The following CSTF1 variants were observed in gnomAD, a reference collection of about 807,000 sequenced individuals.
CSTF1 encodes the protein cleavage stimulation factor subunit 1.
A neutral mutation model predicts 40.9 loss-of-function variants in CSTF1; 2 were observed. The ratio of observed to expected loss-of-function variants is 0.05; its 90% CI spans 0.02 to 0.15. The LOEUF (loss-of-function observed/expected upper bound fraction) is 0.15. Ranked by LOEUF, CSTF1 falls within the 10% of genes least tolerant of loss-of-function variation. The probability of loss-of-function intolerance (pLI) is 1.00; values close to 1 mark genes in which losing one functional copy is unlikely to be tolerated. For synonymous variants in CSTF1, 218 were observed against 207.2 expected (o/e 1.05, Z -0.45); for missense variants, 279 against 558.9 (o/e 0.50, Z 5.05).
In CSTF1 at chr20:56,396,384, A is replaced by G. The variant is rs1244357043; in HGVS notation, c.169+663A>G. On this transcript the variant is annotated intron_variant, in intron 2 of 5. Coordinates refer to ENST00000217109, the MANE Select transcript of CSTF1 (RefSeq NM_001324.3). ...AATAAAATGGACAAACTGCAATGCCAACAACATGGAATTAGCTGTAAATTT... is the reference window on the plus strand; with the variant it reads ...AATAAAATGGACAAACTGCAATGCCGACAACATGGAATTAGCTGTAAATTT... Among the ~76,000 whole-genome samples the G allele has an allele frequency of 2.6e-5, 4 of 152,356 alleles. No individual in the cohort carries two copies. In the East Asian group the frequency reaches 7.7e-4, roughly 29 times the overall value.
chr20:56,398,988 A>T lies in CSTF1; in HGVS notation c.667A>T (p.Ile223Phe), dbSNP rs1222605619. Reference protein sequence around the residue: ...YIQEAEMLRSISFHPSGDFIL... With the variant: ...YIQEAEMLRSFSFHPSGDFIL... The stretch of plus-strand genomic sequence containing the variant: ...ACAGGAAGCTGAAATGTTACGTTCC[A>T]TCTCTTTTCATCCTTCTGGAGACTT... The change falls in exon 5 of 6, where the codon ATC (isoleucine) becomes TTC (phenylalanine). Residue 223 changes from isoleucine (I) to phenylalanine (F), a missense_variant. Physicochemically the swap from Ile to Phe is conservative, Grantham distance 21 (BLOSUM62 0). Transcript: ENST00000217109. 5 of 1,610,644 alleles carry T rather than the reference A, an allele frequency of 3.1e-6. No homozygotes were observed. The highest frequency in any genetic ancestry group is 4.2e-6 in the Non-Finnish European group (5 of 1,178,010).
At position 56,397,170 on chromosome 20, in the gene CSTF1, CTTG is replaced by C; in HGVS notation, c.170-34_170-32del. On this transcript the variant is annotated intron_variant, in intron 2 of 5. Coordinates refer to ENST00000217109, the MANE Select transcript of CSTF1 (RefSeq NM_001324.3). This position sits in a 1 kb window ranked among gnomAD's most constrained non-coding sequence, Gnocchi z 4.4. ...ATCTTGGCCTTTTTAAGAAAAAACA[CTTG>C]TTTTGTTACGCCCTTAATTTTGATT... The C allele has an allele frequency of 6.3e-7, 1 of 1,581,958 alleles. No homozygotes were observed. The highest frequency in any genetic ancestry group is 8.6e-7 in the Non-Finnish European group (1 of 1,163,260).
rs762112166 is a variant in CSTF1 at position 56,403,472 on chromosome 20, G to A, written c.1041G>A (p.Ala347=). ...CCCTCTTGCTCTCTGTGGCAGGCGC[G>A]GGTTTAAGTGGACGCCAGGTGCACC... The part of the protein sequence containing the change: ...TGRTLVRYTG[A]GLSGRQVHRT... Residue 347 remains alanine (A), a synonymous_variant, in exon 6 of 6, where the codon GCG becomes GCA. Transcript: ENST00000217109. The A allele has an allele frequency of 2.0e-5, 32 of 1,613,876 alleles. No individual in the cohort carries two copies. The highest frequency in any genetic ancestry group is 9.9e-5 in the South Asian group (9 of 91,088).
rs1226928244 is a variant in CSTF1, at chr20:56,399,091, C to T, written c.770C>T (p.Pro257Leu). The T allele has an allele frequency of 1.2e-6, 2 of 1,614,026 alleles. No homozygotes were observed. The highest frequency in any genetic ancestry group is 2.2e-5 in the East Asian group (1 of 44,872). Residue 257 changes from proline to leucine, a missense_variant, in exon 5 of 6, where the codon CCT (proline) becomes CTT (leucine). This residue lies in a region of CSTF1 where 162 missense variants were observed against 337.1 expected (regional missense o/e 0.48). Transcript: ENST00000217109. This position sits in a 1 kb window ranked among gnomAD's most constrained non-coding sequence, Gnocchi z 4.6. ...TTTCAATGTTTTGTCTCTTGCAATC[C>T]TCAAGATCAACACACCGATGCTATA... ...NTFQCFVSCN[P>L]QDQHTDAICS...
rs1987552661 is a variant in CSTF1 at position 56,397,569 on chromosome 20, T to C, written c.448-75T>C. On this transcript the variant is annotated intron_variant, in intron 3 of 5. Coordinates refer to ENST00000217109, the MANE Select transcript of CSTF1 (RefSeq NM_001324.3). The surrounding 1 kb of genome is among the most constrained non-coding windows in gnomAD (Gnocchi z 4.4). The stretch of plus-strand genomic sequence containing the variant: ...AGAGTATGGTTGAAACCAGCTTTAG[T>C]TTGCTACAGTTGTGGATTGTGCACT... 1.9e-6 allele frequency: 3 copies of C among 1,598,226 alleles called. No individual in the cohort carries two copies. The highest frequency in any genetic ancestry group is 2.6e-6 in the Non-Finnish European group (3 of 1,167,478).
chr20:56,396,993 A>G (rs1987535891), intron 2 of CSTF1: 2 of 539,382 alleles, frequency 3.7e-6, no homozygotes, highest in African/African-American at 1.9e-5. Flanking sequence ...TTGGAGCCTA[A>G]CCTTCCAGCA....
At chr20:56,400,290 T>C (rs1016768705) in intron 5 of CSTF1, among the ~76,000 whole-genome samples, 12 of 152,228 alleles carry the variant, frequency 7.9e-5, no homozygotes, top group Admixed American at 3.3e-4. Context: ...TGGCTTCTGG[T>C]ACCACTAGCA....
rs750199023 is a variant in CSTF1 at position 56,403,740 on chromosome 20, G to A, written c.*13G>A. ...GACCACTGACTGAGCCACCCTCTCC[G>A]TAGGGTTCTTTCTCGAGGACTCTAC... On this transcript the variant is annotated 3_prime_UTR_variant, in exon 6 of 6. Coordinates refer to ENST00000217109, the MANE Select transcript of CSTF1 (RefSeq NM_001324.3). The A allele has an allele frequency of 4.4e-5, 70 of 1,603,928 alleles. No homozygotes were observed. In the South Asian group the frequency reaches 5.1e-4, roughly 12 times the overall value.
intron 1 of CSTF1, among the ~76,000 whole-genome samples, chr20:56,394,953 A>C (rs1265452265): frequency 6.6e-6 from 1 of 152,100 alleles, no homozygotes; most frequent in Admixed American, 6.6e-5. Context: ...TTTTTGTAGT[A>C]CAGTTGCTTT....
At chr20:56,396,988 G>A (rs1987535677) in intron 2 of CSTF1, 3 of 531,688 alleles carry the variant, frequency 5.6e-6, no homozygotes, top group Non-Finnish European at 9.9e-6. Context: ...GTCTATTGGA[G>A]CCTAACCTTC....
chr20:56,399,355 C>T lies in CSTF1; in HGVS notation c.1034C>T (p.Thr345Met), dbSNP rs1237637794. The T allele has an allele frequency of 6.2e-7, 1 of 1,605,778 alleles. No individual in the cohort carries two copies. Among genetic ancestry groups the T allele is most frequent in the Non-Finnish European group, 8.5e-7 (1 of 1,175,150 alleles). Residue 345 changes from threonine to methionine, a missense_variant and splice_region_variant, in exon 5 of 6, where the codon ACG becomes ATG. By Grantham distance (81) the Thr-to-Met change is moderately conservative. Around this residue, in one of 4 missense-constraint regions of CSTF1, gnomAD observed 162 missense variants for 337.1 expected, o/e 0.48. Transcript: ENST00000217109. The surrounding 1 kb of genome is among the most constrained non-coding windows in gnomAD (Gnocchi z 4.6). Reference sequence around the variant, plus strand: ...ACGGGACGAACACTGGTCAGATACACGGGTATGTGAGACGTTGATGTTACT... The same window carrying T: ...ACGGGACGAACACTGGTCAGATACATGGGTATGTGAGACGTTGATGTTACT... ...ISTGRTLVRY[T>M]GAGLSGRQVH...
rs373913695 is a variant in CSTF1 at position 56,399,209 on chromosome 20, C to T, written c.888C>T (p.Cys296=). 3.0e-5 allele frequency: 49 copies of T among 1,614,098 alleles called. No individual in the cohort carries two copies. In the Middle Eastern group the frequency reaches 8.2e-4, roughly 27 times the overall value. Residue 296 remains cysteine, a synonymous_variant, in exon 5 of 6, where the codon TGC becomes TGT. Transcript: ENST00000217109. This position sits in a 1 kb window ranked among gnomAD's most constrained non-coding sequence, Gnocchi z 4.6. ...TATGGGATGGTGTTTCAAATCGATG[C>T]ATCACAACTTTTGAGAAAGCACATG... is the stretch of plus-strand genomic sequence containing the variant. ...IKLWDGVSNR[C]ITTFEKAHDG...
intron 1 of CSTF1, among the ~76,000 whole-genome samples, chr20:56,394,132 A>C (rs1339937900): frequency 2.0e-5 from 3 of 152,204 alleles, no homozygotes; most frequent in Non-Finnish European, 4.4e-5. Flanking sequence ...GCATAGACCT[A>C]CTATGTTCAT....
chr20:56,394,881 TG>T (rs1987473456), intron 1 of CSTF1, among the ~76,000 whole-genome samples: 1 of 152,190 alleles, frequency 6.6e-6, no homozygotes, highest in African/African-American at 2.4e-5. Context: ...TGACCTTGAT[TG>T]GCAATATTTT....
chr20:56,399,518 C>T lies in CSTF1; in HGVS notation c.1036+161C>T, dbSNP rs962412207. Among the ~76,000 whole-genome samples, 1 of 152,184 alleles carries T rather than the reference C, an allele frequency of 6.6e-6. No individual in the cohort carries two copies. The highest frequency in any genetic ancestry group is 2.1e-4 in the South Asian group (1 of 4,830). On this transcript the variant is annotated intron_variant, in intron 5 of 5. Transcript: ENST00000217109. The surrounding 1 kb of genome is among the most constrained non-coding windows in gnomAD (Gnocchi z 4.6). ...GGAAACCAAGACTTACAGGTTAAGT[C>T]ATTTAGCCAAGGCTACACGACTTGG...
At chr20:56,400,454 G>T (rs985212476) in intron 5 of CSTF1, among the ~76,000 whole-genome samples, 1 of 152,310 alleles carries the variant, frequency 6.6e-6, no homozygotes, top group East Asian at 1.9e-4. Flanking sequence ...GGGTAAATGT[G>T]AAAGTACTCC....
At chr20:56,394,752 C>A (rs1987469230) in intron 1 of CSTF1, among the ~76,000 whole-genome samples, 1 of 152,144 alleles carries the variant, frequency 6.6e-6, no homozygotes, top group African/African-American at 2.4e-5. Flanking sequence ...TTTGAATAAG[C>A]CAGAAACCAT....
chr20:56,394,276 C>T (rs1034207009), intron 1 of CSTF1, among the ~76,000 whole-genome samples: 1 of 152,226 alleles, frequency 6.6e-6, no homozygotes, highest in African/African-American at 2.4e-5. Flanking sequence ...CCATCAGTGT[C>T]ATACAGTGTG....
In CSTF1 at chr20:56,397,315, C is replaced by T. The variant is rs567844389; in HGVS notation, c.278C>T (p.Ser93Phe). Residue 93 changes from serine (S) to phenylalanine (F), a missense_variant, in exon 3 of 6, where the codon TCC becomes TTC. Ser to Phe is a radical substitution (Grantham distance 155). Transcript: ENST00000217109. This position sits in a 1 kb window ranked among gnomAD's most constrained non-coding sequence, Gnocchi z 4.4. ...LEFDADVQTMSPEASEYETCY... is the reference protein window; with the variant it reads ...LEFDADVQTMFPEASEYETCY... Reference sequence around the variant, plus strand: ...TTTGATGCAGATGTTCAGACTATGTCCCCAGAGGCTTCTGAGTACGAAACA... The same window carrying T: ...TTTGATGCAGATGTTCAGACTATGTTCCCAGAGGCTTCTGAGTACGAAACA... The T allele has an allele frequency of 6.2e-7, 1 of 1,614,176 alleles. No individual in the cohort carries two copies. The highest frequency in any genetic ancestry group is 1.3e-5 in the African/African-American group (1 of 75,036).
Sources: gnomAD v4.1 joint callset for allele counts (sites outside exome capture counted in the v4.1 genomes callset) on GRCh38, gnomAD v4.1.1 for gene constraint, gnomAD v4.1.1 regional missense constraint, Gnocchi (gnomAD v3.1) non-coding constraint, MANE v1.5 for transcripts, NCBI Gene and HGNC (gene_info 2026-07-23, HGNC 2026-07-21) for gene names.